ADAMTSL1: variants seen among roughly 807,000 people sequenced by gnomAD.
ADAMTSL1 encodes ADAMTS-like protein 1.
A neutral mutation model predicts 201.8 loss-of-function variants in ADAMTSL1; 126 were observed. The observed-to-expected ratio is 0.62, with a 90% confidence interval of 0.54 to 0.72. ADAMTSL1 has a LOEUF of 0.72. Ranked by LOEUF, ADAMTSL1 falls within the 30% of genes least tolerant of loss-of-function variation. The pLI is 0.00. For synonymous variants in ADAMTSL1, 1,121 were observed against 903.4 expected, an observed-to-expected ratio of 1.24 and a Z score of -4.32; for missense variants, 2,679 against 2,277.8, an observed-to-expected ratio of 1.18 and a Z score of -3.59.
intron 26 of ADAMTSL1, among the ~76,000 whole-genome samples, chr9:18,902,932 C>T (rs571851303): frequency 2.0e-5 from 3 of 152,304 alleles, no homozygotes; most frequent in South Asian, 4.1e-4. Flanking sequence ...TGGCCAGGCA[C>T]GGTGGCTCAT....
At chr9:18,330,745 A>G (rs984600362) in intron 2 of ADAMTSL1, among the ~76,000 whole-genome samples, 2 of 152,238 alleles carry the variant, frequency 1.3e-5, no homozygotes, top group Non-Finnish European at 2.9e-5. Flanking sequence ...AATATGAGTT[A>G]TAAAGAAATA....
chr9:18,458,983 C>A (rs1563973214), intron 2 of ADAMTSL1, among the ~76,000 whole-genome samples: 1 of 152,062 alleles, frequency 6.6e-6, no homozygotes, highest in Non-Finnish European at 1.5e-5. Flanking sequence ...TAAACAGAAC[C>A]TTTGTGTTTA....
chr9:18,632,401 A>G (rs1826838840), intron 5 of ADAMTSL1, among the ~76,000 whole-genome samples: 1 of 152,240 alleles, frequency 6.6e-6, no homozygotes, highest in African/African-American at 2.4e-5. Flanking sequence ...GCTGATTTTA[A>G]CAGATGACAC....
At chr9:18,690,593 T>C (rs1361594414) in intron 13 of ADAMTSL1, among the ~76,000 whole-genome samples, 1 of 152,212 alleles carries the variant, frequency 6.6e-6, no homozygotes, top group Non-Finnish European at 1.5e-5. Context: ...ATTTAAATAC[T>C]GTTTGCAGAT....
chr9:18,748,081 ATCTGTCAAC>A (rs1819250270), intron 15 of ADAMTSL1, among the ~76,000 whole-genome samples: 1 of 152,186 alleles, frequency 6.6e-6, no homozygotes, highest in Non-Finnish European at 1.5e-5. Context: ...CTTCAGCTTG[ATCTGTCAAC>A]TCATGGAGGC....
intron 2 of ADAMTSL1, among the ~76,000 whole-genome samples, chr9:18,344,485 C>G (rs918076073): frequency 5.3e-5 from 8 of 151,926 alleles, no homozygotes; most frequent in Non-Finnish European, 5.9e-5. Context: ...ATATTCTGCA[C>G]CATATCTATA....
intron 13 of ADAMTSL1, among the ~76,000 whole-genome samples, chr9:18,701,159 C>G (rs1177003331): frequency 1.3e-5 from 2 of 151,542 alleles, no homozygotes; most frequent in Non-Finnish European, 2.9e-5. Flanking sequence ...CTAAGACAAC[C>G]TAGGAAGAAT....
chr9:18,626,839 T>TTCTTTCTTTCTTTCTTTCTTTC (rs757449217), intron 5 of ADAMTSL1, among the ~76,000 whole-genome samples: 2 of 133,364 alleles, frequency 1.5e-5, no homozygotes, highest in African/African-American at 5.8e-5. Flanking sequence ...CTTACTTTCT[T>TTCTTTCTTTCTTTCTTTCTTTC]TTTCTTTCTT....
chr9:18,139,119 G>C (rs969583088), intron 1 of ADAMTSL1, among the ~76,000 whole-genome samples: 2 of 152,144 alleles, frequency 1.3e-5, no homozygotes, highest in Middle Eastern at 6.8e-3. Flanking sequence ...ATGGTTTTTT[G>C]ACTGATTGAC....
intron 3 of ADAMTSL1, among the ~76,000 whole-genome samples, chr9:18,549,957 C>A (rs756482132): frequency 1.3e-5 from 2 of 152,008 alleles, no homozygotes; most frequent in South Asian, 4.1e-4. Context: ...GACTCGTATG[C>A]ACATTAAAGG....
intron 3 of ADAMTSL1, among the ~76,000 whole-genome samples, chr9:18,541,118 G>T (rs1320595165): frequency 6.6e-6 from 1 of 152,136 alleles, no homozygotes; most frequent in African/African-American, 2.4e-5. Flanking sequence ...CTTGATGAAG[G>T]CTTGATTTGT....
At chr9:18,151,354 A>G (rs1826903345) in intron 1 of ADAMTSL1, among the ~76,000 whole-genome samples, 1 of 152,034 alleles carries the variant, frequency 6.6e-6, no homozygotes, top group African/African-American at 2.4e-5. Flanking sequence ...AATACTAGCA[A>G]TAATTTTAGC....
intron 1 of ADAMTSL1, among the ~76,000 whole-genome samples, chr9:18,017,771 T>C (rs1820320072): frequency 6.6e-6 from 1 of 152,000 alleles, no homozygotes; most frequent in Admixed American, 6.6e-5. Context: ...GTTTATGTGG[T>C]TCTGTTTCTT....
chr9:18,897,300 G>T (rs775342182), intron 26 of ADAMTSL1, among the ~76,000 whole-genome samples: 10 of 152,318 alleles, frequency 6.6e-5, no homozygotes, highest in Non-Finnish European at 1.5e-4. Context: ...ACTGCCAGGA[G>T]AGTCCAGGCA....
At chr9:18,149,190 G>T (rs909761926) in intron 1 of ADAMTSL1, among the ~76,000 whole-genome samples, 2 of 151,896 alleles carry the variant, frequency 1.3e-5, no homozygotes, top group African/African-American at 4.8e-5. Context: ...GCTCGTCATC[G>T]GGCAAGGAGT....
At chr9:18,859,159 T>C (rs1827050473) in intron 23 of ADAMTSL1, among the ~76,000 whole-genome samples, 1 of 152,212 alleles carries the variant, frequency 6.6e-6, no homozygotes. Flanking sequence ...CTGTTACAGT[T>C]CTGGAGGTCA....
intron 1 of ADAMTSL1, among the ~76,000 whole-genome samples, chr9:18,051,073 G>A (rs533726090): frequency 7.2e-5 from 11 of 152,260 alleles, no homozygotes; most frequent in African/African-American, 9.6e-5. Context: ...AGGCCAAGGC[G>A]GGCAGATCAT....
chr9:18,138,972 A>G (rs140878891), intron 1 of ADAMTSL1, among the ~76,000 whole-genome samples: 15 of 152,260 alleles, frequency 9.9e-5, no homozygotes, highest in Non-Finnish European at 1.9e-4. Context: ...GATAATCTGG[A>G]GACGTGGATT....
chr9:18,345,989 G>T (rs1329723), intron 2 of ADAMTSL1, among the ~76,000 whole-genome samples: 148,277 of 152,156 alleles, frequency 0.97, 72,356 homozygotes, highest in East Asian at 1. Flanking sequence ...GCCCTCTCAT[G>T]TTGCTCCTTT....
Sources: gnomAD v4.1 joint callset for allele counts (sites outside exome capture counted in the v4.1 genomes callset) on GRCh38, gnomAD v4.1.1 for gene constraint, MANE v1.5 for transcripts, NCBI Gene and HGNC (gene_info 2026-07-23, HGNC 2026-07-21) for gene names.